EDIL3: variants seen among roughly 807,000 people sequenced by gnomAD.
EDIL3 encodes EGF-like repeat and discoidin I-like domain-containing protein 3.
Under a neutral mutation model 67.4 loss-of-function variants are expected in EDIL3, and 37 were observed. The observed-to-expected ratio is 0.55, with a 90% confidence interval of 0.42 to 0.72. The LOEUF is 0.72. EDIL3 is among the 30% of genes least tolerant of loss of function. The probability of loss-of-function intolerance (pLI) is 0.00; values close to 1 mark genes in which losing one functional copy is unlikely to be tolerated. For missense variants in EDIL3, 527 were observed against 586.3 expected, an observed-to-expected ratio of 0.90 and a Z score of 1.04; for synonymous variants, 195 against 196.3, an observed-to-expected ratio of 0.99 and a Z score of 0.05.
In EDIL3 at chr5:83,989,684, C is replaced by T. The variant is rs527370156; in HGVS notation, c.1138-26324G>A. Among the ~76,000 whole-genome samples the T allele has an allele frequency of 3.3e-5, 5 of 152,344 alleles. No homozygotes were observed. In the South Asian group the frequency reaches 1.0e-3, roughly 32 times the overall value. ...ATTGAGGTGGCTCCCATGATCTCCA[C>T]TTGCCTGGTATTCTCGTACTTGTAT... On this transcript the variant is annotated intron_variant, in intron 9 of 10. Coordinates refer to ENST00000296591, the MANE Select transcript of EDIL3 (RefSeq NM_005711.5).
chr5:84,268,960 T>C (rs376630135), intron 1 of EDIL3, among the ~76,000 whole-genome samples: 1 of 152,158 alleles, frequency 6.6e-6, no homozygotes, highest in Non-Finnish European at 1.5e-5. Flanking sequence ...AATCAATTAT[T>C]TTCATTTTAA....
chr5:84,205,802 T>C lies in EDIL3; in HGVS notation c.226+24053A>G, dbSNP rs562380106. On this transcript the variant is annotated intron_variant, in intron 3 of 10. Transcript: ENST00000296591. ...ATTGCGTCAATTTGATTCTTCTCTCTTTTTTTCTTTATTAGTCTTGCTAGC... is the reference window on the plus strand; with the variant it reads ...ATTGCGTCAATTTGATTCTTCTCTCCTTTTTTCTTTATTAGTCTTGCTAGC... Among the ~76,000 whole-genome samples, 377 of 152,036 alleles carry C rather than the reference T, an allele frequency of 2.5e-3. 1 individual carries two copies. The highest frequency in any genetic ancestry group is 8.7e-3 in the African/African-American group (360 of 41,344).
intron 5 of EDIL3, among the ~76,000 whole-genome samples, chr5:84,131,318 A>G (rs1285976257): frequency 6.6e-6 from 1 of 152,210 alleles, no homozygotes; most frequent in African/African-American, 2.4e-5. Context: ...TGTACTTGTC[A>G]GGACATATAG....
At chr5:84,336,486 T>C (rs868732616) in intron 1 of EDIL3, among the ~76,000 whole-genome samples, 1 of 152,202 alleles carries the variant, frequency 6.6e-6, no homozygotes, top group Non-Finnish European at 1.5e-5. Context: ...TCAGGATTAG[T>C]GGGAAGTAAT....
At chr5:84,217,725 C>CACAA (rs1744258183) in intron 3 of EDIL3, among the ~76,000 whole-genome samples, 1 of 134,030 alleles carries the variant, frequency 7.5e-6, no homozygotes, top group Non-Finnish European at 1.6e-5. Context: ...CACACAAACA[C>CACAA]ACACACACAC....
At chr5:84,325,123 T>C (rs184749409) in intron 1 of EDIL3, among the ~76,000 whole-genome samples, 5 of 151,832 alleles carry the variant, frequency 3.3e-5, no homozygotes, top group Admixed American at 2.6e-4. Flanking sequence ...AAAGAAAAAA[T>C]AGACAAAATG....
At chr5:83,972,388 G>C (rs1243996630) in intron 9 of EDIL3, among the ~76,000 whole-genome samples, 1 of 151,986 alleles carries the variant, frequency 6.6e-6, no homozygotes, top group Non-Finnish European at 1.5e-5. Flanking sequence ...ACACTGTAGT[G>C]ACAGGAAGAC....
chr5:84,146,882 T>C (rs1339525465), intron 4 of EDIL3, among the ~76,000 whole-genome samples: 1 of 152,032 alleles, frequency 6.6e-6, no homozygotes, highest in African/African-American at 2.4e-5. Context: ...GTTTGAAAAA[T>C]AGCATATATA....
At position 83,984,217 on chromosome 5, in the gene EDIL3, G is replaced by A. The variant is rs143725827; in HGVS notation, c.1138-20857C>T. Among the ~76,000 whole-genome samples, 234 of 152,186 alleles carry A rather than the reference G, an allele frequency of 1.5e-3. 2 individuals carry two copies. Among genetic ancestry groups the A allele is most frequent in the African/African-American group, 5.3e-3 (222 of 41,542 alleles). ...TGCAGAAATGAGACAAGTCGAGCAA[G>A]GCATACTATATGGAGTATGTGTAAA... is the stretch of plus-strand genomic sequence containing the variant. On this transcript the variant is annotated intron_variant, in intron 9 of 10. Coordinates refer to ENST00000296591, the MANE Select transcript of EDIL3 (RefSeq NM_005711.5).
At chr5:84,048,611 G>A in intron 9 of EDIL3, among the ~76,000 whole-genome samples, 1 of 151,862 alleles carries the variant, frequency 6.6e-6, no homozygotes. Flanking sequence ...TTCTTAGGTG[G>A]GATTGTGACA....
Position 84,195,347 on chromosome 5 carries a change from C to T in EDIL3, c.227-14826G>A, listed in dbSNP as rs184204547. ...GCTACTTAAATACAGTAGGTCTGAA[C>T]TGTCCCTCTTTAAGATCGGTGTTAT... On this transcript the variant is annotated intron_variant, in intron 3 of 10. Transcript: ENST00000296591. Among the ~76,000 whole-genome samples, 241 of 152,038 alleles carry T rather than the reference C, an allele frequency of 1.6e-3. 1 individual carries two copies. The highest frequency in any genetic ancestry group is 1.8e-3 in the Non-Finnish European group (122 of 67,906).
intron 4 of EDIL3, among the ~76,000 whole-genome samples, chr5:84,165,511 T>C (rs1211744794): frequency 6.6e-6 from 1 of 152,098 alleles, no homozygotes; most frequent in Non-Finnish European, 1.5e-5. Flanking sequence ...ATATTGCTCT[T>C]GAAGGATTCA....
At chr5:84,300,933 TACACACAC>T (rs5869219) in intron 1 of EDIL3, among the ~76,000 whole-genome samples, 1 of 149,598 alleles carries the variant, frequency 6.7e-6, no homozygotes, top group African/African-American at 2.5e-5. Context: ...CACAGACACA[TACACACAC>T]ACACACACAC....
At chr5:84,376,977 A>G (rs1263268210) in intron 1 of EDIL3, among the ~76,000 whole-genome samples, 2 of 152,246 alleles carry the variant, frequency 1.3e-5, no homozygotes, top group African/African-American at 2.4e-5. Flanking sequence ...TAAACAGAAA[A>G]AATAGCATAG....
chr5:84,376,419 C>A (rs1008531371), intron 1 of EDIL3, among the ~76,000 whole-genome samples: 3 of 152,050 alleles, frequency 2.0e-5, no homozygotes, highest in Non-Finnish European at 4.4e-5. Context: ...AATGTCAGAA[C>A]CTTGCACCTA....
chr5:84,262,659 G>GTTTGTTTTTTTTT (rs1745250856), intron 1 of EDIL3, among the ~76,000 whole-genome samples: 1 of 46,310 alleles, frequency 2.2e-5, no homozygotes, highest in Non-Finnish European at 3.6e-5. Flanking sequence ...AGGTTGGTTG[G>GTTTGTTTTTTTTT]TTTTTTTTTT....
At chr5:84,348,717 T>C (rs1747286258) in intron 1 of EDIL3, among the ~76,000 whole-genome samples, 1 of 152,116 alleles carries the variant, frequency 6.6e-6, no homozygotes, top group Non-Finnish European at 1.5e-5. Flanking sequence ...TTTCTCTCCT[T>C]GTCCATGGTA....
intron 9 of EDIL3, among the ~76,000 whole-genome samples, chr5:83,974,808 TTC>T (rs1244493901): frequency 1.3e-5 from 2 of 152,088 alleles, no homozygotes; most frequent in African/African-American, 2.4e-5. Flanking sequence ...TATATTCTTC[TTC>T]TGTTATTGAT....
At chr5:84,007,191 T>C (rs750643560) in intron 9 of EDIL3, among the ~76,000 whole-genome samples, 1 of 151,834 alleles carries the variant, frequency 6.6e-6, no homozygotes, top group Non-Finnish European at 1.5e-5. Context: ...TAAAAGCAAA[T>C]ATTGGGAAAG....
Sources: gnomAD v4.1 joint callset for allele counts (sites outside exome capture counted in the v4.1 genomes callset) on GRCh38, gnomAD v4.1.1 for gene constraint, MANE v1.5 for transcripts, NCBI Gene and HGNC (gene_info 2026-07-23, HGNC 2026-07-21) for gene names.